The following ING5 variants were observed in gnomAD, a reference collection of about 807,000 sequenced individuals.
The protein encoded by ING5 is inhibitor of growth protein 5.
Under a neutral mutation model 37.4 loss-of-function variants are expected in ING5, and 17 were observed. That is an observed-to-expected ratio of 0.45 (90% CI 0.31 to 0.68). The LOEUF is 0.68. ING5 is among the 30% of genes least tolerant of loss of function. The pLI, the probability that ING5 is intolerant of heterozygous loss-of-function variation, is 0.05. For missense variants in ING5, 233 were observed against 311.9 expected (o/e 0.75, Z 1.91); for synonymous variants, 123 against 116.6 (o/e 1.06, Z -0.36).
chr2:241,718,325 C>CTCCCTCCCTCCCTCACTTCCTTCCTCCT (rs2070331819), intron 5 of ING5, among the ~76,000 whole-genome samples: 1 of 23,580 alleles, frequency 4.2e-5, no homozygotes, highest in Admixed American at 3.2e-4. Flanking sequence ...TCCTCCCTTC[C>CTCCCTCCCTCCCTCACTTCCTTCCTCCT]TCCCTCCCTC....
chr2:241,697,902 G>A (rs909528558), upstream of ING5, among the ~76,000 whole-genome samples: 5 of 152,058 alleles, frequency 3.3e-5, no homozygotes, highest in African/African-American at 1.2e-4. Flanking sequence ...GGCCAACAGG[G>A]TGAAACCCCA....
chr2:241,724,431 C>T (rs999202009), intron 7 of ING5, among the ~76,000 whole-genome samples: 2 of 152,108 alleles, frequency 1.3e-5, no homozygotes, highest in Admixed American at 1.3e-4. Flanking sequence ...TGACGGTTGC[C>T]GTCATGCGAG....
upstream of ING5, chr2:241,701,941 C>A (rs1360249278): frequency 4.0e-6 from 2 of 501,856 alleles, no homozygotes; most frequent in East Asian, 4.2e-5. Context: ...GTGTCCGACC[C>A]CGCCCCCGGG....
chr2:241,703,612 C>G (rs566277613), intron 1 of ING5, among the ~76,000 whole-genome samples: 13 of 151,976 alleles, frequency 8.6e-5, no homozygotes, highest in African/African-American at 3.1e-4. Flanking sequence ...TTTTCTTTTT[C>G]TTTTTTTGAT....
At chr2:241,713,002 A>G (rs112065926) in intron 5 of ING5, among the ~76,000 whole-genome samples, 11,086 of 149,742 alleles carry the variant, frequency 0.074, 1,001 homozygotes, top group African/African-American at 0.21. Context: ...CTCTGTCTCA[A>G]AAAAAAAAAA....
In ING5 at chr2:241,711,997, A is replaced by T. The variant is rs759994321; in HGVS notation, c.408A>T (p.Glu136Asp). 2.5e-5 allele frequency: 40 copies of T among 1,609,336 alleles called. No homozygotes were observed. The highest frequency in any genetic ancestry group is 3.3e-5 in the Non-Finnish European group (39 of 1,178,430). Residue 136 changes from glutamate to aspartate, a missense_variant, in exon 5 of 8, where the codon GAA becomes GAT. This residue lies in a region of ING5 where 76 missense variants were observed against 68.2 expected (regional missense o/e 1.11). Transcript: ENST00000313552. ...RGLKKGRGQK[E>D]KRGSRGRGRR... The stretch of plus-strand genomic sequence containing the variant: ...TTTCAGAAGGCCGGGGTCAGAAAGA[A>T]AAAAGAGGGTCCCGGGGCCGAGGCA...
intron 2 of ING5, among the ~76,000 whole-genome samples, chr2:241,705,035 T>C (rs2069861012): frequency 6.6e-6 from 1 of 152,234 alleles, no homozygotes; most frequent in Non-Finnish European, 1.5e-5. Flanking sequence ...GTGCATTGTT[T>C]TAAAAGTTTG....
rs1366388231 is a variant in ING5 at position 241,705,220 on chromosome 2, G to A, written c.109+496G>A. ...CTCCTGAGTAGCTGGGACTACAGGTGCCCGCCACCACGCCTGGCTAATTTT... is the reference window on the plus strand; with the variant it reads ...CTCCTGAGTAGCTGGGACTACAGGTACCCGCCACCACGCCTGGCTAATTTT... On this transcript the variant is annotated intron_variant, in intron 2 of 7. Coordinates refer to ENST00000313552, the MANE Select transcript of ING5 (RefSeq NM_032329.6). Among the ~76,000 whole-genome samples the A allele has an allele frequency of 6.0e-5, 9 of 149,400 alleles. No individual in the cohort carries two copies. The East Asian group carries it at 1.8e-3, about 30-fold the overall frequency.
At chr2:241,722,124 C>A (rs1559313961) in intron 5 of ING5, 1 of 985,256 alleles carries the variant, frequency 1.0e-6, no homozygotes, top group African/African-American at 1.7e-5. Context: ...GGGCGCAGGA[C>A]GCATGGCTGT....
intron 2 of ING5, among the ~76,000 whole-genome samples, chr2:241,692,394 G>C (rs1431225471): frequency 1.3e-5 from 2 of 151,700 alleles, no homozygotes; most frequent in Non-Finnish European, 2.9e-5. Flanking sequence ...CTGCAGCCTT[G>C]AGGTTCTGGT....
rs538935319 is a variant in ING5, at chr2:241,718,092, A to G, written c.483-4847A>G. Among the ~76,000 whole-genome samples the G allele has an allele frequency of 9.9e-5, 15 of 152,250 alleles. No individual in the cohort carries two copies. The Middle Eastern group carries it at 0.014, about 138-fold the overall frequency. On this transcript the variant is annotated intron_variant, in intron 5 of 7. Coordinates refer to ENST00000313552, the MANE Select transcript of ING5 (RefSeq NM_032329.6). ...CGGTGGCGCAATCTCCGCTCACCGC[A>G]GCCTCTGCCTCCCGGGTTCAAGCCA...
At chr2:241,720,117 T>C in intron 5 of ING5, 1 of 1,237,806 alleles carries the variant, frequency 8.1e-7, no homozygotes, top group Non-Finnish European at 1.0e-6. Context: ...AGACGGGTCA[T>C]CCTGAGGACC....
chr2:241,709,650 A>G (rs1477314430), intron 3 of ING5, among the ~76,000 whole-genome samples: 2 of 147,202 alleles, frequency 1.4e-5, no homozygotes, highest in Non-Finnish European at 3.0e-5. Flanking sequence ...TTTGTCGTCC[A>G]CGGTGGAGTA....
At position 241,723,024 on chromosome 2, in the gene ING5, C is replaced by A; in HGVS notation, c.568C>A (p.Leu190Met). Residue 190 changes from leucine (L) to methionine (M), a missense_variant, in exon 6 of 8, where the codon CTG (leucine) becomes ATG (methionine). Around this residue, in one of 4 missense-constraint regions of ING5, gnomAD observed 45 missense variants for 98.2 expected, o/e 0.46. Coordinates refer to ENST00000313552, the MANE Select transcript of ING5 (RefSeq NM_032329.6). Reference sequence around the variant, plus strand: ...GGACCCAAACGAACCCACGTACTGCCTGTGCCACCAGGTCTCCTATGGGGA... The same window carrying A: ...GGACCCAAACGAACCCACGTACTGCATGTGCCACCAGGTCTCCTATGGGGA... ...PVDPNEPTYC[L>M]CHQVSYGEMI... is the part of the protein sequence containing the mutation. 1 of 1,614,246 alleles carries A rather than the reference C, an allele frequency of 6.2e-7. No homozygotes were observed. Among genetic ancestry groups the A allele is most frequent in the Middle Eastern group, 1.6e-4 (1 of 6,062 alleles).
chr2:241,697,583 GAA>G (rs886696638), upstream of ING5, among the ~76,000 whole-genome samples: 1 of 152,128 alleles, frequency 6.6e-6, no homozygotes, highest in Non-Finnish European at 1.5e-5. Flanking sequence ...AAGCCATTCT[GAA>G]AAGGCTCATA....
exon 1 of ING5, chr2:241,687,523 G>A (rs960605468): frequency 5.6e-6 from 2 of 359,586 alleles, no homozygotes; most frequent in Non-Finnish European, 9.7e-6. Flanking sequence ...CCGTGTGTGT[G>A]TTTTTGTTGT....
At chr2:241,719,470 T>A in intron 5 of ING5, 3 of 1,311,358 alleles carry the variant, frequency 2.3e-6, no homozygotes, top group Non-Finnish European at 3.2e-6. Flanking sequence ...GGGTTTTGTG[T>A]TTTCTAACTC....
chr2:241,720,643 A>G, intron 5 of ING5: 1 of 985,662 alleles, frequency 1.0e-6, no homozygotes, highest in African/African-American at 1.7e-5. Flanking sequence ...GAGTGCTGGG[A>G]AGCCATCGGG....
chr2:241,721,738 T>C, intron 5 of ING5: 2 of 985,442 alleles, frequency 2.0e-6, no homozygotes, highest in Non-Finnish European at 2.4e-6. Flanking sequence ...GAATACACTG[T>C]CTATAGTACC....
Sources: gnomAD v4.1 joint callset for allele counts (sites outside exome capture counted in the v4.1 genomes callset) on GRCh38, gnomAD v4.1.1 for gene constraint, gnomAD v4.1.1 regional missense constraint, MANE v1.5 for transcripts, NCBI Gene and HGNC (gene_info 2026-07-23, HGNC 2026-07-21) for gene names.